The following PARD6G variants were observed in gnomAD, a reference collection of about 807,000 sequenced individuals.
PARD6G encodes partitioning defective 6 homolog gamma.
PARD6G carries 7 observed loss-of-function variants against 10.7 expected under a neutral mutation model. That is an observed-to-expected ratio of 0.66 (90% CI 0.37 to 1.23). The LOEUF is 1.23. Among genes scored for constraint, PARD6G ranks in the 50% most tolerant of loss-of-function variants. The pLI, the probability that PARD6G is intolerant of heterozygous loss-of-function variation, is 0.02. For synonymous variants in PARD6G, 287 were observed against 269.4 expected, an observed-to-expected ratio of 1.07 and a Z score of -0.64; for missense variants, 548 against 571.8, an observed-to-expected ratio of 0.96 and a Z score of 0.42.
chr18:80,160,067 G>GA lies in PARD6G; in HGVS notation c.834dup (p.Pro279SerfsTer19). Reference sequence around the variant, plus strand: ...TTCTGCAGGACGCGCGGGGCGGGGGGACCCACGAAGCCCGCGGTGCCGTCC... The same window carrying GA: ...TTCTGCAGGACGCGCGGGGCGGGGGGAACCCACGAAGCCCGCGGTGCCGTCC... On this transcript the variant is annotated frameshift_variant, in exon 3 of 3. Coordinates refer to ENST00000353265, the MANE Select transcript of PARD6G (RefSeq NM_032510.4). LOFTEE classifies it low-confidence loss of function (END_TRUNC). 1.3e-6 allele frequency: 2 copies of GA among 1,567,874 alleles called. No individual in the cohort carries two copies. The highest frequency in any genetic ancestry group is 2.3e-5 in the East Asian group (1 of 44,324).
intron 2 of PARD6G, among the ~76,000 whole-genome samples, chr18:80,186,371 C>T (rs1220529376): frequency 7.6e-6 from 1 of 131,222 alleles, no homozygotes. Flanking sequence ...GCTCGCACAC[C>T]CACACATGCT....
At chr18:80,172,887 T>A (rs1376359365) in intron 2 of PARD6G, among the ~76,000 whole-genome samples, 2 of 152,260 alleles carry the variant, frequency 1.3e-5, no homozygotes, top group East Asian at 3.8e-4. Flanking sequence ...TTTGTTGTTA[T>A]ATTTAAGAAA....
rs1967003669 is a variant in PARD6G at position 80,201,128 on chromosome 18, CT to C, written c.295+1581del. Among the ~76,000 whole-genome samples the C allele has an allele frequency of 6.6e-6, 1 of 152,144 alleles. No homozygotes were observed. Among genetic ancestry groups the C allele is most frequent in the Non-Finnish European group, 1.5e-5 (1 of 68,032 alleles). On this transcript the variant is annotated intron_variant, in intron 2 of 2. Coordinates refer to ENST00000353265, the MANE Select transcript of PARD6G (RefSeq NM_032510.4). This position sits in a 1 kb window ranked among gnomAD's most constrained non-coding sequence, Gnocchi z 5.9. ...CGGGTGGAGACAGACGGCAAACCAG[CT>C]CTGGGAGCAATGGACAGAGCCCAGA...
intron 2 of PARD6G, among the ~76,000 whole-genome samples, chr18:80,171,927 C>T (rs2052779783): frequency 6.6e-6 from 1 of 152,198 alleles, no homozygotes; most frequent in South Asian, 2.1e-4. Context: ...CGTGTTATAT[C>T]AAATGTTCAT....
At chr18:80,214,894 G>A (rs927557818) in intron 1 of PARD6G, among the ~76,000 whole-genome samples, 2 of 152,038 alleles carry the variant, frequency 1.3e-5, no homozygotes, top group Non-Finnish European at 2.9e-5. Flanking sequence ...GTTTGTTAAA[G>A]AGGTCCATAC....
chr18:80,210,071 G>C (rs1019544503), intron 1 of PARD6G, among the ~76,000 whole-genome samples: 1 of 152,156 alleles, frequency 6.6e-6, no homozygotes, highest in Admixed American at 6.5e-5. Context: ...CTTGGAGCCA[G>C]TTGCGATAAA....
chr18:80,217,869 G>T (rs1036952282), intron 1 of PARD6G, among the ~76,000 whole-genome samples: 3 of 152,170 alleles, frequency 2.0e-5, no homozygotes, highest in Non-Finnish European at 2.9e-5. Context: ...CAATCATGGT[G>T]GAAGGGGAAG....
Position 80,232,523 on chromosome 18 carries a change from G to GCA in PARD6G, c.72+14753_72+14754insTG, listed in dbSNP as rs1350508592. Among the ~76,000 whole-genome samples, 8 of 152,112 alleles carry GCA rather than the reference G, an allele frequency of 5.3e-5. No individual in the cohort carries two copies. In the East Asian group the frequency reaches 1.5e-3, roughly 29 times the overall value. On this transcript the variant is annotated intron_variant, in intron 1 of 2. Coordinates refer to ENST00000353265, the MANE Select transcript of PARD6G (RefSeq NM_032510.4). ...AGCAAGAAAAAAATGAGGAAGATAT[G>GCA]AAAGTGGAAACCCCTGATAAAACCA...
chr18:80,167,023 G>C (rs2052740685), intron 2 of PARD6G, among the ~76,000 whole-genome samples: 1 of 152,050 alleles, frequency 6.6e-6, no homozygotes, highest in African/African-American at 2.4e-5. Flanking sequence ...AGGGCTCCGT[G>C]TGTCACCGTA....
intron 1 of PARD6G, among the ~76,000 whole-genome samples, chr18:80,227,595 G>T (rs1967306190): frequency 6.6e-6 from 1 of 152,252 alleles, no homozygotes; most frequent in African/African-American, 2.4e-5. Flanking sequence ...GCACTGAATT[G>T]CTCTGACCAG....
At chr18:80,191,046 C>T (rs1271147940) in intron 2 of PARD6G, among the ~76,000 whole-genome samples, 2 of 152,110 alleles carry the variant, frequency 1.3e-5, no homozygotes, top group African/African-American at 2.4e-5. Flanking sequence ...GCAGGGCCAG[C>T]GTGTGAGAAT....
Position 80,201,636 on chromosome 18 carries a change from G to A in PARD6G, c.295+1074C>T, listed in dbSNP as rs186700152. ...AAGTGAGGTCAACGAGTCTCCTGCC[G>A]TTCCCTTCATCACCACAAATGGGAA... On this transcript the variant is annotated intron_variant, in intron 2 of 2. Coordinates refer to ENST00000353265, the MANE Select transcript of PARD6G (RefSeq NM_032510.4). The surrounding 1 kb of genome is among the most constrained non-coding windows in gnomAD (Gnocchi z 5.9). Among the ~76,000 whole-genome samples, 7 of 152,336 alleles carry A rather than the reference G, an allele frequency of 4.6e-5. No homozygotes were observed. Among genetic ancestry groups the A allele is most frequent in the East Asian group, 1.9e-4 (1 of 5,190 alleles).
rs1023458976 is a variant in PARD6G, at chr18:80,159,901, C to T, written c.1001G>A (p.Arg334Gln). The change falls in exon 3 of 3, where the codon CGG becomes CAG. Residue 334 changes from arginine (R) to glutamine (Q), a missense_variant. Physicochemically the swap from Arg to Gln is conservative, Grantham distance 43 (BLOSUM62 1). This residue lies in a region of PARD6G where 313 missense variants were observed against 279.9 expected (regional missense o/e 1.12). Coordinates refer to ENST00000353265, the MANE Select transcript of PARD6G (RefSeq NM_032510.4). ...GTCCAGGGCCAGGTCCCGCTGCAGC[C>T]GCTGCGCCAGGCCCGCGCCATTGAC... ...SRVNGAGLAQRLQRDLALDGG... is the reference protein window; with the variant it reads ...SRVNGAGLAQQLQRDLALDGG... 7 of 1,514,040 alleles carry T rather than the reference C, an allele frequency of 4.6e-6. No homozygotes were observed. In the African/African-American group the frequency reaches 1.0e-4, roughly 22 times the overall value. The allele number at this position is 1,514,040 out of a possible 1,614,324, so 93.8% of individuals were successfully genotyped here.
At chr18:80,162,381 C>T (rs886708552) in intron 2 of PARD6G, 4 of 161,550 alleles carry the variant, frequency 2.5e-5, no homozygotes, top group African/African-American at 9.7e-5. Flanking sequence ...TATGTACCCA[C>T]AAAAATAAAA....
rs11339303 is a variant in PARD6G, at chr18:80,173,623, T to TA, written c.296-13018dup. Among the ~76,000 whole-genome samples, 274 of 147,884 alleles carry TA rather than the reference T, an allele frequency of 1.9e-3. 1 individual carries two copies. The highest frequency in any genetic ancestry group is 6.2e-3 in the African/African-American group (253 of 40,686). Reference sequence around the variant, plus strand: ...CTAGGTGTCAGAGCAAGACTTCATCTAAAAAAAAAAGGGGGCAAACCCTGG... The same window carrying TA: ...CTAGGTGTCAGAGCAAGACTTCATCTAAAAAAAAAAAGGGGGCAAACCCTGG... On this transcript the variant is annotated intron_variant, in intron 2 of 2. Transcript: ENST00000353265.
chr18:80,158,859 G>A lies in PARD6G; in HGVS notation c.*912C>T, dbSNP rs1268161690. 6.6e-6 allele frequency: 1 copy of A among 152,150 alleles called. No individual in the cohort carries two copies. Among genetic ancestry groups the A allele is most frequent in the Non-Finnish European group, 1.5e-5 (1 of 68,066 alleles). 9.4% of individuals were successfully genotyped at this position (152,150 alleles called of 1,614,324 possible). A position where few individuals can be genotyped will look rare whatever the true frequency, so the allele number is the denominator to read the frequency against. On this transcript the variant is annotated 3_prime_UTR_variant, in exon 3 of 3. Transcript: ENST00000353265. Reference sequence around the variant, plus strand: ...CTCAAAACAAACAAAAAAAAGCCCCGGAACAATTCCACAGCTGCGGGTGCC... The same window carrying A: ...CTCAAAACAAACAAAAAAAAGCCCCAGAACAATTCCACAGCTGCGGGTGCC...
At chr18:80,179,112 C>G (rs1351558086) in intron 2 of PARD6G, among the ~76,000 whole-genome samples, 1 of 152,170 alleles carries the variant, frequency 6.6e-6, no homozygotes, top group African/African-American at 2.4e-5. Flanking sequence ...CCCGACACCT[C>G]CCGACGCATC....
At position 80,192,175 on chromosome 18, in the gene PARD6G, G is replaced by A. The variant is rs568792596; in HGVS notation, c.295+10535C>T. On this transcript the variant is annotated intron_variant, in intron 2 of 2. Transcript: ENST00000353265. This position sits in a 1 kb window ranked among gnomAD's most constrained non-coding sequence, Gnocchi z 4.9. ...CAAGACCAGACTGCGCATTCTCTAC[G>A]AGACATGATATGACAGTGACCCCTT... 3.3e-5 allele frequency among the ~76,000 whole-genome samples: 5 copies of A among 152,318 alleles called. No homozygotes were observed. The East Asian group carries it at 5.8e-4, about 18-fold the overall frequency.
chr18:80,197,827 G>C (rs1217808055), intron 2 of PARD6G, among the ~76,000 whole-genome samples: 1 of 152,220 alleles, frequency 6.6e-6, no homozygotes, highest in East Asian at 1.9e-4. Context: ...GGGGAGGCAG[G>C]GGAACAGAGA....
Sources: allele counts gnomAD v4.1 joint callset (sites outside exome capture counted in the v4.1 genomes callset), GRCh38; gene constraint gnomAD v4.1.1; regional missense constraint gnomAD v4.1.1; non-coding constraint Gnocchi (gnomAD v3.1); transcripts MANE v1.5; gene names NCBI Gene and HGNC (gene_info 2026-07-23, HGNC 2026-07-21).